LRRC61: variants seen among roughly 807,000 people sequenced by gnomAD.
The protein encoded by LRRC61 is leucine-rich repeat-containing protein 61.
In LRRC61, 9 loss-of-function variants were observed where a neutral mutation model predicts 15.1. That is an observed-to-expected ratio of 0.60 (90% CI 0.36 to 1.04). The LOEUF is 1.04. Among genes scored for constraint, LRRC61 ranks in the 50% least tolerant of loss-of-function variants. The pLI is 0.01. For missense variants in LRRC61, 344 were observed against 335.6 expected, an observed-to-expected ratio of 1.03 and a Z score of -0.20; for synonymous variants, 173 against 158.6, an observed-to-expected ratio of 1.09 and a Z score of -0.68.
Position 150,336,996 on chromosome 7 carries a change from C to G in LRRC61, c.135C>G (p.Asp45Glu), listed in dbSNP as rs907794149. The G allele has an allele frequency of 1.2e-6, 2 of 1,613,910 alleles. No homozygotes were observed. The highest frequency in any genetic ancestry group is 1.1e-5 in the South Asian group (1 of 91,086). ...LLKLRGLGLA[D>E]LGCLGECLGL... is the part of the protein sequence containing the mutation. ...AGCTGCGTGGCTTGGGACTGGCTGA[C>G]CTGGGCTGCCTGGGAGAGTGCCTGG... The change falls in exon 3 of 3, where the codon GAC becomes GAG. Residue 45 changes from aspartate to glutamate, a missense_variant. Coordinates refer to ENST00000359623, the MANE Select transcript of LRRC61 (RefSeq NM_001142928.2).
intron 1 of LRRC61, 56 bp downstream of exon 1, chr7:150,323,616 T>G (rs762927597): frequency 6.6e-6 from 3 of 454,000 alleles, no homozygotes; most frequent in South Asian, 4.7e-5. Flanking sequence ...TCGGGGCCCG[T>G]GCCGGCCCCG....
In LRRC61 at chr7:150,337,126, G is replaced by A. The variant is rs202086113; in HGVS notation, c.265G>A (p.Gly89Ser). ...CAATGTCTCCAACAATCGGCTGACG[G>A]GCCTGGAGCCACTGGCCACCTGTGA... ...VLNVSNNRLTGLEPLATCENL... is the reference protein window; with the variant it reads ...VLNVSNNRLTSLEPLATCENL... The change falls in exon 3 of 3, where the codon GGC becomes AGC. Residue 89 changes from glycine to serine, a missense_variant. Coordinates refer to ENST00000359623, the MANE Select transcript of LRRC61 (RefSeq NM_001142928.2). 6.2e-7 allele frequency: 1 copy of A among 1,612,094 alleles called. No individual in the cohort carries two copies. Among genetic ancestry groups the A allele is most frequent in the Non-Finnish European group, 8.5e-7 (1 of 1,179,956 alleles).
intron 2 of LRRC61, chr7:150,331,107 C>G: frequency 6.2e-7 from 1 of 1,609,084 alleles, no homozygotes; most frequent in Non-Finnish European, 8.5e-7. Flanking sequence ...CCACAGGAGC[C>G]TTCTCTGAAA....
the LRRC61 span, among the ~76,000 whole-genome samples, chr7:150,315,896 T>C: frequency 1.3e-5 from 2 of 152,162 alleles, no homozygotes; most frequent in Non-Finnish European, 2.9e-5. Flanking sequence ...AGTTTCCTTA[T>C]ATTTAAAAAC....
chr7:150,336,684 A>G (rs1328278290), intron 2 of LRRC61, 34 bp from the exon 3 acceptor site: 2 of 768,622 alleles, frequency 2.6e-6, no homozygotes, highest in Admixed American at 2.8e-5. Flanking sequence ...AAGACACAGA[A>G]AGTGCTGCCT....
intron 2 of LRRC61, among the ~76,000 whole-genome samples, chr7:150,328,221 T>C (rs1297894309): frequency 6.6e-6 from 1 of 152,106 alleles, no homozygotes; most frequent in Non-Finnish European, 1.5e-5. Context: ...TGGTCCAAAA[T>C]AGGAAATAGA....
upstream of LRRC61, among the ~76,000 whole-genome samples, chr7:150,319,601 G>A (rs890214971): frequency 2.6e-5 from 4 of 152,212 alleles, no homozygotes; most frequent in African/African-American, 9.7e-5. Flanking sequence ...AAATTCAGGT[G>A]CCTTTGACTT....
chr7:150,323,633 C>T (rs556495519), intron 1 of LRRC61, 73 bp downstream of exon 1: 3 of 455,264 alleles, frequency 6.6e-6, no homozygotes, highest in East Asian at 7.0e-5. Context: ...CCCGGGGGGC[C>T]ACCTGCTGGG....
In LRRC61 at chr7:150,337,267, C is replaced by G; in HGVS notation, c.406C>G (p.Leu136Val). 1.2e-6 allele frequency: 2 copies of G among 1,603,570 alleles called. No homozygotes were observed. The highest frequency in any genetic ancestry group is 1.7e-4 in the Middle Eastern group (1 of 6,060). ...YLRLRDPLAR[L>V]SNPLCANPSY... ...GCGGCTCCGAGACCCTTTGGCCCGG[C>G]TCAGCAACCCGCTCTGTGCCAACCC... Residue 136 changes from leucine to valine, a missense_variant, in exon 3 of 3, where the codon CTC becomes GTC. Coordinates refer to ENST00000359623, the MANE Select transcript of LRRC61 (RefSeq NM_001142928.2).
the LRRC61 span, among the ~76,000 whole-genome samples, chr7:150,316,479 G>A: frequency 1.5e-5 from 2 of 131,870 alleles, no homozygotes; most frequent in Admixed American, 1.6e-4. Flanking sequence ...TTTAGAATCT[G>A]GTTATTTTTT....
At chr7:150,309,659 T>G in the LRRC61 span, among the ~76,000 whole-genome samples, 4 of 152,180 alleles carry the variant, frequency 2.6e-5, no homozygotes, top group Non-Finnish European at 5.9e-5. Flanking sequence ...GACCAAGAAA[T>G]GCCCACAGCC....
chr7:150,317,655 A>G, the LRRC61 span, among the ~76,000 whole-genome samples: 1 of 152,316 alleles, frequency 6.6e-6, no homozygotes, highest in African/African-American at 2.4e-5. Context: ...CTTGAATTCA[A>G]CAGGAATACA....
At chr7:150,332,018 C>T (rs1007242030) in intron 2 of LRRC61, 4 of 167,068 alleles carry the variant, frequency 2.4e-5, no homozygotes, top group Non-Finnish European at 5.9e-5. Flanking sequence ...CTACTGGAAA[C>T]GTTGGGGTTT....
Position 150,337,459 on chromosome 7 carries a change from G to A in LRRC61, c.598G>A (p.Val200Met), listed in dbSNP as rs1358830465. 4 of 1,603,930 alleles carry A rather than the reference G, an allele frequency of 2.5e-6. No individual in the cohort carries two copies. Among genetic ancestry groups the A allele is most frequent in the Middle Eastern group, 1.7e-4 (1 of 6,060 alleles). Residue 200 changes from valine to methionine, a missense_variant, in exon 3 of 3, where the codon GTG becomes ATG. Coordinates refer to ENST00000359623, the MANE Select transcript of LRRC61 (RefSeq NM_001142928.2). ...CAGAGCCACCGAGGCCCAGCCCTGG[G>A]TGGAGCCAGGCTACTGGGAGTCCTG... ...GPRATEAQPW[V>M]EPGYWESWPS...
intron 2 of LRRC61, among the ~76,000 whole-genome samples, chr7:150,334,256 A>G (rs991631563): frequency 6.6e-6 from 1 of 152,036 alleles, no homozygotes; most frequent in Non-Finnish European, 1.5e-5. Context: ...CTGCTCATCC[A>G]GTGGCTGTGT....
At chr7:150,314,159 G>C in the LRRC61 span, among the ~76,000 whole-genome samples, 3 of 152,260 alleles carry the variant, frequency 2.0e-5, no homozygotes, top group Middle Eastern at 6.8e-3. Flanking sequence ...TGTCTCCTAG[G>C]GTCAGTGGCA....
Position 150,333,975 on chromosome 7 carries a change from G to T in LRRC61, c.-144-2743G>T. 1 of 985,330 alleles carries T rather than the reference G, an allele frequency of 1.0e-6. No homozygotes were observed. The highest frequency in any genetic ancestry group is 1.1e-4 in the East Asian group (1 of 8,810). The allele number at this position is 985,330 out of a possible 1,614,324, so 61.0% of individuals were successfully genotyped here. On this transcript the variant is annotated intron_variant, in intron 2 of 2. Transcript: ENST00000359623. This position sits in a 1 kb window ranked among gnomAD's most constrained non-coding sequence, Gnocchi z 4.3. ...AGACCCAGGCCTGCATCTGGTGAGG[G>T]CAGGACGGGGCCACACTGGTGCAGG...
In LRRC61 at chr7:150,337,633, G is replaced by C. The variant is rs75914222; in HGVS notation, c.772G>C (p.Val258Leu). Residue 258 changes from valine (V) to leucine (L), a missense_variant, in exon 3 of 3, where the codon GTC (valine) becomes CTC (leucine). By Grantham distance (32) the Val-to-Leu change is conservative. Coordinates refer to ENST00000359623, the MANE Select transcript of LRRC61 (RefSeq NM_001142928.2). ...LSSAGPTSSF[V>L]F is the part of the protein sequence containing the mutation. ...CTCTGCGGGCCCCACCTCTTCCTTCGTCTTCTGAACGTGGCCTATGGCCCA... is the reference window on the plus strand; with the variant it reads ...CTCTGCGGGCCCCACCTCTTCCTTCCTCTTCTGAACGTGGCCTATGGCCCA... The C allele has an allele frequency of 1.3e-6, 2 of 1,523,568 alleles. No individual in the cohort carries two copies. Among genetic ancestry groups the C allele is most frequent in the Non-Finnish European group, 1.8e-6 (2 of 1,137,856 alleles). The allele number at this position is 1,523,568 out of a possible 1,614,324, so 94.4% of individuals were successfully genotyped here.
chr7:150,333,323 G>T lies in LRRC61; in HGVS notation c.-144-3395G>T, dbSNP rs751505705. On this transcript the variant is annotated intron_variant, in intron 2 of 2. Coordinates refer to ENST00000359623, the MANE Select transcript of LRRC61 (RefSeq NM_001142928.2). This position sits in a 1 kb window ranked among gnomAD's most constrained non-coding sequence, Gnocchi z 4.3. ...ACAATGTCTGGAGGTGTCTTTAGTTGTTCCAAGTGGGGTAAGGGGAGTGGT... is the reference window on the plus strand; with the variant it reads ...ACAATGTCTGGAGGTGTCTTTAGTTTTTCCAAGTGGGGTAAGGGGAGTGGT... 3.3e-5 allele frequency among the ~76,000 whole-genome samples: 5 copies of T among 152,176 alleles called. No homozygotes were observed. The highest frequency in any genetic ancestry group is 1.3e-4 in the Admixed American group (2 of 15,280).
Sources: allele counts gnomAD v4.1 joint callset (sites outside exome capture counted in the v4.1 genomes callset), GRCh38; gene constraint gnomAD v4.1.1; non-coding constraint Gnocchi (gnomAD v3.1); transcripts MANE v1.5; gene names NCBI Gene and HGNC (gene_info 2026-07-23, HGNC 2026-07-21).